RALGAPA1: variants seen among roughly 807,000 people sequenced by gnomAD.
RALGAPA1 encodes the protein Ral GTPase activating protein catalytic subunit alpha 1.
A neutral mutation model predicts 269.6 loss-of-function variants in RALGAPA1; 52 were observed. The ratio of observed to expected loss-of-function variants is 0.19; its 90% CI spans 0.15 to 0.24. The LOEUF (loss-of-function observed/expected upper bound fraction) is 0.24. Ranked by LOEUF, RALGAPA1 falls within the 10% of genes least tolerant of loss-of-function variation. RALGAPA1 has a pLI of 1.00. For synonymous variants in RALGAPA1, 817 were observed against 1,008.3 expected (o/e 0.81, Z 3.60); for missense variants, 1,917 against 3,013.9 (o/e 0.64, Z 8.52).
intron 1 of RALGAPA1, among the ~76,000 whole-genome samples, chr14:35,799,186 G>C (rs572636119): frequency 6.6e-6 from 1 of 152,230 alleles, no homozygotes; most frequent in African/African-American, 2.4e-5. Flanking sequence ...TGAAGAAATG[G>C]AAGTAAATTC....
chr14:35,571,627 T>C (rs1397427237), intron 38 of RALGAPA1, among the ~76,000 whole-genome samples: 1 of 152,032 alleles, frequency 6.6e-6, no homozygotes, highest in Non-Finnish European at 1.5e-5. Flanking sequence ...TGAGCCGAGA[T>C]TGCGCCACCG....
chr14:35,709,568 T>A (rs1235684059), intron 16 of RALGAPA1, among the ~76,000 whole-genome samples: 1 of 152,172 alleles, frequency 6.6e-6, no homozygotes, highest in African/African-American at 2.4e-5. Context: ...CCTTGTTTTC[T>A]GCTTTAATTC....
At chr14:35,627,056 A>AG in intron 34 of RALGAPA1, 34 bp downstream of exon 34, 1 of 1,445,144 alleles carries the variant, frequency 6.9e-7, no homozygotes, top group Non-Finnish European at 9.1e-7. Context: ...ACCGAAAAAA[A>AG]AAAAAAAAGA....
At chr14:35,690,052 AAAT>A in intron 17 of RALGAPA1, 49 bp from the exon 18 acceptor site, 1 of 1,304,300 alleles carries the variant, frequency 7.7e-7, no homozygotes, top group South Asian at 1.4e-5. Flanking sequence ...CAAATATAAA[AAAT>A]AATTATTAAT....
chr14:35,560,390 T>C (rs2056096006), intron 39 of RALGAPA1, among the ~76,000 whole-genome samples: 2 of 152,178 alleles, frequency 1.3e-5, no homozygotes, highest in African/African-American at 2.4e-5. Context: ...TGTCCACTTC[T>C]TACCCTTAAA....
At chr14:35,700,860 G>A (rs753772990) in intron 16 of RALGAPA1, among the ~76,000 whole-genome samples, 20 of 152,232 alleles carry the variant, frequency 1.3e-4, no homozygotes, top group Admixed American at 3.9e-4. Context: ...CTCATGTCTA[G>A]TATGTGTTTC....
intron 17 of RALGAPA1, among the ~76,000 whole-genome samples, chr14:35,690,342 A>G (rs8021197): frequency 0.022 from 3,312 of 152,230 alleles, 121 homozygotes; most frequent in African/African-American, 0.075. Flanking sequence ...AATTTTTCCT[A>G]CTTATTTACG....
At chr14:35,697,335 T>G (rs3764176) in intron 17 of RALGAPA1, among the ~76,000 whole-genome samples, 14 of 151,672 alleles carry the variant, frequency 9.2e-5, no homozygotes, top group Middle Eastern at 3.4e-3. Flanking sequence ...ACAGTGTTTT[T>G]TTTTGTTTTG....
Position 35,635,502 on chromosome 14 carries a change from C to G in RALGAPA1, c.5773G>C (p.Asp1925His). 6.2e-7 allele frequency: 1 copy of G among 1,605,766 alleles called. No homozygotes were observed. The highest frequency in any genetic ancestry group is 8.5e-7 in the Non-Finnish European group (1 of 1,176,484). The change falls in exon 32 of 42, where the codon GAT (aspartate) becomes CAT (histidine). Residue 1925 changes from aspartate (D) to histidine (H), a missense_variant. Asp to His is a moderately conservative substitution (Grantham distance 81). Coordinates refer to ENST00000680220, the MANE Select transcript of RALGAPA1 (RefSeq NM_001346249.2). Reference sequence around the variant, plus strand: ...TTGAGAACAGATTTTTCTGTTTTATCGCTTTCTGCTCCCGTAGCATGAAAT... The same window carrying G: ...TTGAGAACAGATTTTTCTGTTTTATGGCTTTCTGCTCCCGTAGCATGAAAT... ...QPFHATGAESDKTEKSVLNCI... is the reference protein window; with the variant it reads ...QPFHATGAESHKTEKSVLNCI...
intron 4 of RALGAPA1, among the ~76,000 whole-genome samples, chr14:35,763,906 T>C (rs1315949099): frequency 2.6e-5 from 4 of 152,162 alleles, no homozygotes; most frequent in Admixed American, 2.0e-4. Context: ...ATGGGAGGGC[T>C]CTAGTACCAT....
Position 35,770,974 on chromosome 14 carries a change from CT to C in RALGAPA1, c.292del (p.Arg98GlufsTer13). The C allele has an allele frequency of 7.1e-7, 1 of 1,400,378 alleles. No individual in the cohort carries two copies. Among genetic ancestry groups the C allele is most frequent in the Non-Finnish European group, 9.9e-7 (1 of 1,014,656 alleles). 86.7% of individuals were successfully genotyped at this position (1,400,378 alleles called of 1,614,324 possible). A position where few individuals can be genotyped will look rare whatever the true frequency, so the allele number is the denominator to read the frequency against. ...ATGAAACTGCCATCGCTGATGAATT[CT>C]TTCTGGAAGAAGTTGTAAAATTTTC... ...FEKILQLLPE[R>X]IHQRWQFHSI... On this transcript the variant is annotated frameshift_variant, in exon 4 of 42. Coordinates refer to ENST00000680220, the MANE Select transcript of RALGAPA1 (RefSeq NM_001346249.2). LOFTEE classifies it high-confidence loss of function.
chr14:35,747,341 G>T lies in RALGAPA1; in HGVS notation c.1251+1244C>A, dbSNP rs80260135. ...ACTTATTTAAACTGACTCAACAACT[G>T]GAAAGCCTGAATAGTTCTACAAGCT... On this transcript the variant is annotated intron_variant, in intron 10 of 41. Coordinates refer to ENST00000680220, the MANE Select transcript of RALGAPA1 (RefSeq NM_001346249.2). Among the ~76,000 whole-genome samples the T allele has an allele frequency of 1.2e-4, 18 of 152,256 alleles. No homozygotes were observed. In the East Asian group the frequency reaches 3.5e-3, roughly 29 times the overall value.
At chr14:35,544,695 T>C (rs146531183) in intron 41 of RALGAPA1, among the ~76,000 whole-genome samples, 42 of 152,332 alleles carry the variant, frequency 2.8e-4, no homozygotes, top group Middle Eastern at 3.4e-3. Flanking sequence ...CATATCTGGC[T>C]GCCTATAATT....
At chr14:35,776,978 C>T (rs1000697521) in intron 1 of RALGAPA1, among the ~76,000 whole-genome samples, 3 of 151,940 alleles carry the variant, frequency 2.0e-5, no homozygotes, top group Non-Finnish European at 2.9e-5. Context: ...ACTGTAGTTT[C>T]TGGGTCCCTC....
intron 1 of RALGAPA1, among the ~76,000 whole-genome samples, chr14:35,799,516 C>T (rs749553316): frequency 4.7e-5 from 7 of 149,538 alleles, no homozygotes; most frequent in African/African-American, 7.4e-5. Context: ...GAGCCAAGAT[C>T]GTACCACTGC....
intron 21 of RALGAPA1, among the ~76,000 whole-genome samples, chr14:35,680,574 C>T (rs2065339691): frequency 7.0e-6 from 1 of 143,444 alleles, no homozygotes. Context: ...TCACTACTGC[C>T]TTTAATTTTA....
At chr14:35,623,961 C>T (rs919022405) in intron 35 of RALGAPA1, among the ~76,000 whole-genome samples, 26 of 151,802 alleles carry the variant, frequency 1.7e-4, no homozygotes, top group African/African-American at 6.0e-4. Context: ...CGGGCAAGTG[C>T]CTGTAGTCCC....
chr14:35,712,439 T>C (rs1483886124), intron 16 of RALGAPA1, among the ~76,000 whole-genome samples: 3 of 152,160 alleles, frequency 2.0e-5, no homozygotes, highest in Non-Finnish European at 2.9e-5. Flanking sequence ...AAAGCAAGTA[T>C]ACTGGCAACA....
chr14:35,567,110 G>T (rs556359586), intron 39 of RALGAPA1, among the ~76,000 whole-genome samples: 1 of 151,912 alleles, frequency 6.6e-6, no homozygotes, highest in South Asian at 2.1e-4. Flanking sequence ...TATTTACTCT[G>T]TGTCCCAGAA....
Sources: allele counts gnomAD v4.1 joint callset (sites outside exome capture counted in the v4.1 genomes callset), GRCh38; gene constraint gnomAD v4.1.1; transcripts MANE v1.5; gene names NCBI Gene and HGNC (gene_info 2026-07-23, HGNC 2026-07-21).